The following PTPN3 variants were observed in gnomAD, a reference collection of about 807,000 sequenced individuals.
The protein encoded by PTPN3 is tyrosine-protein phosphatase non-receptor type 3.
In PTPN3, 96 loss-of-function variants were observed where a neutral mutation model predicts 132.7. That is an observed-to-expected ratio of 0.72 (90% CI 0.61 to 0.86). The LOEUF is 0.86. Among genes scored for constraint, PTPN3 ranks in the 40% least tolerant of loss-of-function variants. PTPN3 has a pLI of 0.00. For missense variants in PTPN3, 1,125 were observed against 1,159.6 expected (o/e 0.97, Z 0.43); for synonymous variants, 398 against 429.0 (o/e 0.93, Z 0.89).
intron 1 of PTPN3, among the ~76,000 whole-genome samples, chr9:109,493,129 AC>A (rs1222063365): frequency 8.5e-5 from 13 of 152,238 alleles, no homozygotes; most frequent in Non-Finnish European, 1.8e-4. Flanking sequence ...GCAGCCAGGC[AC>A]AGTGGTTCAC....
At chr9:109,537,044 TA>T in the PTPN3 span, among the ~76,000 whole-genome samples, 1 of 152,072 alleles carries the variant, frequency 6.6e-6, no homozygotes, top group Non-Finnish European at 1.5e-5. Flanking sequence ...TCCCTCTCCG[TA>T]GCCCCAAGGA....
At chr9:109,468,563 T>C (rs951348882) in intron 1 of PTPN3, among the ~76,000 whole-genome samples, 1 of 152,204 alleles carries the variant, frequency 6.6e-6, no homozygotes, top group Non-Finnish European at 1.5e-5. Flanking sequence ...AGACAGGGTT[T>C]CACCATGTTA....
chr9:109,379,716 G>A, intron 25 of PTPN3, 83 bp from the exon 26 acceptor site: 1 of 1,203,084 alleles, frequency 8.3e-7, no homozygotes. Flanking sequence ...GTCTTTTGCA[G>A]CATTTGTAAA....
chr9:109,484,053 G>A (rs987669067), intron 1 of PTPN3, among the ~76,000 whole-genome samples: 7 of 152,156 alleles, frequency 4.6e-5, no homozygotes, highest in African/African-American at 9.7e-5. Flanking sequence ...TCACTCTGTC[G>A]CGAGCTGCCA....
chr9:109,427,269 C>T (rs377205278), intron 11 of PTPN3, 147 bp from the exon 12 acceptor site: 6 of 801,910 alleles, frequency 7.5e-6, no homozygotes, highest in African/African-American at 1.7e-5. Context: ...ACCAGTGTAC[C>T]GGAATATTCA....
chr9:109,414,480 C>G, intron 14 of PTPN3, among the ~76,000 whole-genome samples: 1 of 152,190 alleles, frequency 6.6e-6, no homozygotes, highest in South Asian at 2.1e-4. Context: ...AGAAATTTCC[C>G]ACATGGCTCC....
intron 9 of PTPN3, among the ~76,000 whole-genome samples, chr9:109,436,450 G>C (rs1844057917): frequency 6.6e-6 from 1 of 152,090 alleles, no homozygotes; most frequent in African/African-American, 2.4e-5. Flanking sequence ...AATATTTATT[G>C]ATTTTAACAA....
chr9:109,399,058 G>A (rs1840836218), intron 19 of PTPN3, among the ~76,000 whole-genome samples: 1 of 152,200 alleles, frequency 6.6e-6, no homozygotes, highest in Non-Finnish European at 1.5e-5. Flanking sequence ...TCCCATTGAT[G>A]TAGGTCATAC....
At chr9:109,387,024 G>T (rs1222500789) in intron 22 of PTPN3, among the ~76,000 whole-genome samples, 2 of 152,186 alleles carry the variant, frequency 1.3e-5, no homozygotes, top group African/African-American at 4.8e-5. Flanking sequence ...GTGAAGAGAA[G>T]GGAGGGGTAA....
At chr9:109,483,601 T>A (rs568956917) in intron 1 of PTPN3, among the ~76,000 whole-genome samples, 1 of 152,082 alleles carries the variant, frequency 6.6e-6, no homozygotes, top group Non-Finnish European at 1.5e-5. Context: ...AAGGAGGATA[T>A]AACTGTGAAG....
At chr9:109,440,612 T>C (rs1844390461) in intron 7 of PTPN3, among the ~76,000 whole-genome samples, 1 of 152,162 alleles carries the variant, frequency 6.6e-6, no homozygotes, top group Non-Finnish European at 1.5e-5. Flanking sequence ...GCCAACCAAA[T>C]GCTGTAAATG....
chr9:109,511,718 A>G, the PTPN3 span, among the ~76,000 whole-genome samples: 5 of 152,150 alleles, frequency 3.3e-5, no homozygotes, highest in South Asian at 2.1e-4. Context: ...GGGAAAAATC[A>G]TTGTCATTTT....
chr9:109,536,052 C>T, the PTPN3 span, among the ~76,000 whole-genome samples: 5 of 152,166 alleles, frequency 3.3e-5, no homozygotes, highest in Non-Finnish European at 7.4e-5. Context: ...TGGCAACCAC[C>T]AATCTGCTTT....
At position 109,472,326 on chromosome 9, in the gene PTPN3, T is replaced by C. The variant is rs542904138; in HGVS notation, c.-17-8875A>G. On this transcript the variant is annotated intron_variant, in intron 1 of 25. Transcript: ENST00000374541. ...GCACACACCCTTCCTCAGAAACCCG[T>C]TGAGTCAACCAGCACTTTCTTAAAG... Among the ~76,000 whole-genome samples, 15 of 152,366 alleles carry C rather than the reference T, an allele frequency of 9.8e-5. No individual in the cohort carries two copies. In the East Asian group the frequency reaches 2.7e-3, roughly 27 times the overall value.
chr9:109,504,712 T>C, the PTPN3 span, among the ~76,000 whole-genome samples: 1 of 152,212 alleles, frequency 6.6e-6, no homozygotes, highest in African/African-American at 2.4e-5. Flanking sequence ...TGAACCACCA[T>C]GTGGATTTGC....
intron 19 of PTPN3, chr9:109,392,463 G>A (rs1840208515): frequency 6.6e-6 from 1 of 151,978 alleles, no homozygotes; most frequent in African/African-American, 2.4e-5. Context: ...TCTGAGATGT[G>A]CTTTTTGTAT....
intron 9 of PTPN3, among the ~76,000 whole-genome samples, chr9:109,435,816 G>A (rs1202437630): frequency 6.6e-6 from 1 of 152,202 alleles, no homozygotes; most frequent in East Asian, 1.9e-4. Flanking sequence ...GAATAAAAAT[G>A]AATGGTCAAG....
At chr9:109,483,217 C>T (rs1031109209) in intron 1 of PTPN3, among the ~76,000 whole-genome samples, 3 of 152,240 alleles carry the variant, frequency 2.0e-5, no homozygotes, top group African/African-American at 4.8e-5. Context: ...GCCCAATATG[C>T]GAGTACCCTT....
At chr9:109,497,353 C>T (rs1266722961) in intron 1 of PTPN3, among the ~76,000 whole-genome samples, 1 of 152,126 alleles carries the variant, frequency 6.6e-6, no homozygotes, top group African/African-American at 2.4e-5. Context: ...CACTCAACAA[C>T]CCAGCGAGGT....
Sources: allele counts gnomAD v4.1 joint callset (sites outside exome capture counted in the v4.1 genomes callset), GRCh38; gene constraint gnomAD v4.1.1; transcripts MANE v1.5; gene names NCBI Gene and HGNC (gene_info 2026-07-23, HGNC 2026-07-21).